Variants in NXPH1 observed in about 807,000 individuals in gnomAD.
NXPH1 encodes the protein neurexophilin-1.
NXPH1 carries 5 observed loss-of-function variants against 23.7 expected under a neutral mutation model. The ratio of observed to expected loss-of-function variants is 0.21; its 90% confidence interval spans 0.11 to 0.44. The LOEUF (loss-of-function observed/expected upper bound fraction) is 0.44. NXPH1 is among the 20% of genes least tolerant of loss of function. The pLI is 0.99. For missense variants in NXPH1, 324 were observed against 321.6 expected (o/e 1.01, Z -0.06); for synonymous variants, 144 against 122.2 (o/e 1.18, Z -1.18).
chr7:8,701,873 C>G (rs1779628410), intron 2 of NXPH1, among the ~76,000 whole-genome samples: 1 of 151,868 alleles, frequency 6.6e-6, no homozygotes, highest in African/African-American at 2.4e-5. Flanking sequence ...TGGAATGAAC[C>G]TCTGAATCTT....
chr7:8,507,123 T>C (rs1040723660), intron 2 of NXPH1, among the ~76,000 whole-genome samples: 29 of 151,294 alleles, frequency 1.9e-4, no homozygotes, highest in Non-Finnish European at 3.8e-4. Flanking sequence ...TGGAGAGAGG[T>C]GGGTGCAGAA....
chr7:8,752,789 T>C lies in NXPH1; in HGVS notation c.*1020T>C, dbSNP rs1049417789. ...GGATATGAGGAATTCATTTTATCAA[T>C]GTAGCTGTGAAGGCCATTAAAAAGA... is the stretch of plus-strand genomic sequence containing the variant. On this transcript the variant is annotated 3_prime_UTR_variant, in exon 3 of 3. Coordinates refer to ENST00000405863, the MANE Select transcript of NXPH1 (RefSeq NM_152745.3). 2.6e-5 allele frequency: 4 copies of C among 152,522 alleles called. No homozygotes were observed. The highest frequency in any genetic ancestry group is 3.9e-4 in the East Asian group (2 of 5,178). 9.4% of individuals were successfully genotyped at this position (152,522 alleles called of 1,614,324 possible). A position where few individuals can be genotyped will look rare whatever the true frequency, so the allele number is the denominator to read the frequency against.
rs965679937 is a variant in NXPH1 at position 8,435,314 on chromosome 7, C to T, written c.-110-290C>T. The stretch of plus-strand genomic sequence containing the variant: ...TGCCGGAGAAGCCTGGGCTCCGAAC[C>T]AGCCTGCACGCGGCTCAGTGTGCTC... On this transcript the variant is annotated intron_variant, in intron 1 of 2. Transcript: ENST00000405863. The surrounding 1 kb of genome is among the most constrained non-coding windows in gnomAD (Gnocchi z 5.9). 3.5e-6 allele frequency: 1 copy of T among 287,410 alleles called. No homozygotes were observed. The highest frequency in any genetic ancestry group is 2.3e-5 in the African/African-American group (1 of 44,378). 17.8% of individuals were successfully genotyped at this position (287,410 alleles called of 1,614,324 possible).
chr7:8,619,090 G>T (rs1819808085), intron 2 of NXPH1, among the ~76,000 whole-genome samples: 1 of 152,182 alleles, frequency 6.6e-6, no homozygotes, highest in South Asian at 2.1e-4. Flanking sequence ...CTCTAAGAAG[G>T]AAGTTGAGAA....
At chr7:8,672,359 T>C (rs1820883364) in intron 2 of NXPH1, among the ~76,000 whole-genome samples, 1 of 152,042 alleles carries the variant, frequency 6.6e-6, no homozygotes, top group Non-Finnish European at 1.5e-5. Flanking sequence ...TTAGGAGATA[T>C]ACCTAATGCT....
intron 2 of NXPH1, among the ~76,000 whole-genome samples, chr7:8,634,408 T>C (rs1820183469): frequency 1.3e-5 from 2 of 152,150 alleles, no homozygotes; most frequent in Admixed American, 6.5e-5. Context: ...ACTTAGTAAA[T>C]TTAATTTACT....
intron 2 of NXPH1, among the ~76,000 whole-genome samples, chr7:8,727,979 G>A (rs902644024): frequency 2.0e-5 from 3 of 151,346 alleles, no homozygotes; most frequent in African/African-American, 7.3e-5. Flanking sequence ...AGCATGGAAT[G>A]TTCTTCCATT....
intron 2 of NXPH1, among the ~76,000 whole-genome samples, chr7:8,699,094 T>G (rs1211492822): frequency 6.6e-6 from 1 of 152,152 alleles, no homozygotes; most frequent in African/African-American, 2.4e-5. Context: ...TCAAATTTTT[T>G]TGGTCCATTA....
chr7:8,647,591 GT>G (rs1026771802), intron 2 of NXPH1, among the ~76,000 whole-genome samples: 1 of 151,878 alleles, frequency 6.6e-6, no homozygotes, highest in Non-Finnish European at 1.5e-5. Context: ...CTTTTGTGTG[GT>G]TTTTATATCT....
chr7:8,699,754 T>C (rs764162022), intron 2 of NXPH1, among the ~76,000 whole-genome samples: 11 of 152,154 alleles, frequency 7.2e-5, no homozygotes, highest in African/African-American at 2.7e-4. Flanking sequence ...GATGTGGTTT[T>C]AAAAGATTGA....
rs117921303 is a variant in NXPH1 at position 8,696,946 on chromosome 7, C to T, written c.55-54062C>T. Among the ~76,000 whole-genome samples, 190 of 151,084 alleles carry T rather than the reference C, an allele frequency of 1.3e-3. 2 individuals carry two copies. In the East Asian group the frequency reaches 0.035, roughly 28 times the overall value. On this transcript the variant is annotated intron_variant, in intron 2 of 2. Coordinates refer to ENST00000405863, the MANE Select transcript of NXPH1 (RefSeq NM_152745.3). Reference sequence around the variant, plus strand: ...ATCACTTGAGGCCAGGAGTTTGAGGCCAGGAATTTGACACCAGTCTGGTCA... The same window carrying T: ...ATCACTTGAGGCCAGGAGTTTGAGGTCAGGAATTTGACACCAGTCTGGTCA...
intron 2 of NXPH1, among the ~76,000 whole-genome samples, chr7:8,660,259 A>G (rs1224736505): frequency 6.6e-6 from 1 of 152,212 alleles, no homozygotes; most frequent in African/African-American, 2.4e-5. Flanking sequence ...AGTGAGGCCT[A>G]ACATTTTAAG....
chr7:8,481,185 A>G (rs551139951), intron 2 of NXPH1, among the ~76,000 whole-genome samples: 3 of 152,300 alleles, frequency 2.0e-5, no homozygotes, highest in African/African-American at 7.2e-5. Context: ...TGATGATTAT[A>G]CTGGTCAACT....
At chr7:8,655,999 G>C (rs1469071839) in intron 2 of NXPH1, among the ~76,000 whole-genome samples, 1 of 152,124 alleles carries the variant, frequency 6.6e-6, no homozygotes, top group African/African-American at 2.4e-5. Context: ...AAACTATATG[G>C]GGCTAGGAAG....
intron 2 of NXPH1, among the ~76,000 whole-genome samples, chr7:8,738,867 C>T (rs1018172783): frequency 6.6e-6 from 1 of 152,146 alleles, no homozygotes; most frequent in African/African-American, 2.4e-5. Flanking sequence ...AGTAGGTTTG[C>T]TGAGCTGTGG....
At chr7:8,476,989 G>T (rs1304920453) in intron 2 of NXPH1, among the ~76,000 whole-genome samples, 4 of 152,128 alleles carry the variant, frequency 2.6e-5, no homozygotes, top group African/African-American at 7.2e-5. Flanking sequence ...GGAATCTTAT[G>T]CCAGAAGAAG....
intron 2 of NXPH1, among the ~76,000 whole-genome samples, chr7:8,502,324 A>G (rs576700534): frequency 1.8e-4 from 28 of 152,170 alleles, no homozygotes; most frequent in African/African-American, 6.5e-4. Flanking sequence ...TTCCCTATCA[A>G]GGGAACATTT....
At chr7:8,585,999 G>A (rs1314314526) in intron 2 of NXPH1, among the ~76,000 whole-genome samples, 1 of 152,168 alleles carries the variant, frequency 6.6e-6, no homozygotes, top group African/African-American at 2.4e-5. Flanking sequence ...AGCTCAGTGT[G>A]GAACAGACAT....
At chr7:8,659,851 G>T (rs879556759) in intron 2 of NXPH1, among the ~76,000 whole-genome samples, 2 of 151,986 alleles carry the variant, frequency 1.3e-5, no homozygotes, top group Non-Finnish European at 2.9e-5. Context: ...GTCACCTGAG[G>T]GTGCACAGCA....
Sources: gnomAD v4.1 joint callset for allele counts (sites outside exome capture counted in the v4.1 genomes callset) on GRCh38, gnomAD v4.1.1 for gene constraint, Gnocchi (gnomAD v3.1) non-coding constraint, MANE v1.5 for transcripts, NCBI Gene and HGNC (gene_info 2026-07-23, HGNC 2026-07-21) for gene names.